Variants in CDK15 observed in about 807,000 individuals in gnomAD.
The protein encoded by CDK15 is cyclin-dependent kinase 15.
Under a neutral mutation model 60.3 loss-of-function variants are expected in CDK15, and 62 were observed. The ratio of observed to expected loss-of-function variants is 1.03; its 90% CI spans 0.84 to 1.27. The LOEUF (loss-of-function observed/expected upper bound fraction) is 1.27, where lower values mean the gene tolerates loss of function less well. CDK15 is among the 50% of genes most tolerant of loss of function. CDK15 has a pLI of 0.00. For missense variants in CDK15, 541 were observed against 527.8 expected, an observed-to-expected ratio of 1.03 and a Z score of -0.25; for synonymous variants, 194 against 195.7, an observed-to-expected ratio of 0.99 and a Z score of 0.07.
intron 8 of CDK15, among the ~76,000 whole-genome samples, chr2:201,844,793 T>TA (rs1269249729): frequency 1.3e-5 from 2 of 151,922 alleles, no homozygotes; most frequent in African/African-American, 2.4e-5. Flanking sequence ...CCATCTCTAT[T>TA]AAAAAAATTA....
chr2:201,844,923 C>A (rs1414383081), intron 8 of CDK15, among the ~76,000 whole-genome samples: 1 of 152,026 alleles, frequency 6.6e-6, no homozygotes, highest in African/African-American at 2.4e-5. Flanking sequence ...CTGAGGCAGG[C>A]GGATCAATTG....
At chr2:201,849,194 T>C (rs1697798281) in intron 9 of CDK15, among the ~76,000 whole-genome samples, 2 of 152,242 alleles carry the variant, frequency 1.3e-5, no homozygotes, top group African/African-American at 4.8e-5. Context: ...TAATTCTTTA[T>C]TGAGAATTCC....
At chr2:201,810,336 T>G (rs1338253526) in intron 3 of CDK15, among the ~76,000 whole-genome samples, 3 of 151,406 alleles carry the variant, frequency 2.0e-5, no homozygotes. Context: ...GAAATATAAA[T>G]TAAAATGCGA....
chr2:201,808,812 T>A (rs1010450081), intron 3 of CDK15: 1 of 152,100 alleles, frequency 6.6e-6, no homozygotes, highest in Non-Finnish European at 1.5e-5. Flanking sequence ...ATATAACTAC[T>A]ACAAGACTAA....
At chr2:201,883,922 A>T (rs1385318389) in intron 12 of CDK15, among the ~76,000 whole-genome samples, 2 of 152,208 alleles carry the variant, frequency 1.3e-5, no homozygotes, top group African/African-American at 4.8e-5. Flanking sequence ...GCTCTGGGAA[A>T]GGAACACTGT....
At position 201,879,931 on chromosome 2, in the gene CDK15, C is replaced by T. The variant is rs1294315253; in HGVS notation, c.1059-97C>T. 6.2e-6 allele frequency: 9 copies of T among 1,449,520 alleles called. No homozygotes were observed. The East Asian group carries it at 2.1e-4, about 35-fold the overall frequency. 89.8% of individuals were successfully genotyped at this position (1,449,520 alleles called of 1,614,324 possible). A position where few individuals can be genotyped will look rare whatever the true frequency, so the allele number is the denominator to read the frequency against. ...GGAAAATTCTACTTAAAATCTAAGT[C>T]TAGCCATCTCCTTTTCTTTACTTTT... On this transcript the variant is annotated intron_variant, in intron 11 of 13. Coordinates refer to ENST00000652192, the MANE Select transcript of CDK15 (RefSeq NM_001366386.2).
intron 6 of CDK15, among the ~76,000 whole-genome samples, chr2:201,824,120 A>AC (rs1325128516): frequency 7.2e-5 from 11 of 152,210 alleles, no homozygotes; most frequent in Non-Finnish European, 2.9e-5. Context: ...AGTCTGCAAT[A>AC]CTTGTACTAG....
intron 6 of CDK15, among the ~76,000 whole-genome samples, chr2:201,828,355 G>A (rs151209378): frequency 4.1e-4 from 62 of 152,120 alleles, no homozygotes; most frequent in African/African-American, 1.4e-3. Flanking sequence ...GAGGACTGAT[G>A]ATGAGACTTT....
intron 10 of CDK15, among the ~76,000 whole-genome samples, chr2:201,867,351 ATGG>A (rs1160963300): frequency 6.6e-6 from 1 of 152,126 alleles, no homozygotes; most frequent in Non-Finnish European, 1.5e-5. Flanking sequence ...CAGCCCAGGC[ATGG>A]TGGCTCATGC....
chr2:201,836,046 T>TATATATA (rs1292587389), intron 8 of CDK15, among the ~76,000 whole-genome samples: 2 of 86,872 alleles, frequency 2.3e-5, no homozygotes. Context: ...TTTATATATA[T>TATATATA]TTATATATAT....
At chr2:201,860,096 G>C (rs969227577) in intron 10 of CDK15, among the ~76,000 whole-genome samples, 21 of 152,192 alleles carry the variant, frequency 1.4e-4, no homozygotes, top group African/African-American at 4.6e-4. Context: ...TCCACTGAAA[G>C]GGTCTGTCAT....
chr2:201,812,384 T>C (rs1695814671), intron 3 of CDK15, 99 bp from the exon 4 acceptor site: 1 of 693,106 alleles, frequency 1.4e-6, no homozygotes, highest in African/African-American at 1.8e-5. Context: ...TGCTAGAATA[T>C]ATTTTGAAGT....
At chr2:201,865,892 C>CCAAAAAAAAA (rs753825925) in intron 10 of CDK15, among the ~76,000 whole-genome samples, 2 of 40,092 alleles carry the variant, frequency 5.0e-5, no homozygotes, top group African/African-American at 1.5e-4. Flanking sequence ...TCCATCTCAA[C>CCAAAAAAAAA]AAAAAAAAAA....
intron 11 of CDK15, among the ~76,000 whole-genome samples, chr2:201,876,003 G>T (rs923654155): frequency 6.6e-6 from 1 of 152,136 alleles, no homozygotes; most frequent in African/African-American, 2.4e-5. Flanking sequence ...TGGGCGGGGG[G>T]TTTTCCTACC....
At chr2:201,842,070 C>T (rs900520155) in intron 8 of CDK15, among the ~76,000 whole-genome samples, 1 of 152,100 alleles carries the variant, frequency 6.6e-6, no homozygotes, top group African/African-American at 2.4e-5. Flanking sequence ...GTTGTGTAAC[C>T]GTCACCACTG....
chr2:201,865,921 C>CAAAAAA (rs1698612579), intron 10 of CDK15, among the ~76,000 whole-genome samples: 1 of 81,142 alleles, frequency 1.2e-5, no homozygotes, highest in Admixed American at 1.1e-4. Context: ...AAAAAAAAAG[C>CAAAAAA]TTGGGAAGCC....
Position 201,836,361 on chromosome 2 carries a change from TAGA to T in CDK15, c.851+602_851+604del, listed in dbSNP as rs972191430. On this transcript the variant is annotated intron_variant, in intron 8 of 13. Coordinates refer to ENST00000652192, the MANE Select transcript of CDK15 (RefSeq NM_001366386.2). The stretch of plus-strand genomic sequence containing the variant: ...TCTACTAAAAAAATACTAATATTTG[TAGA>T]AGATTCTTGCAATTATTCTATAACC... Among the ~76,000 whole-genome samples, 85 of 151,276 alleles carry T rather than the reference TAGA, an allele frequency of 5.6e-4. 1 individual carries two copies. The highest frequency in any genetic ancestry group is 2.0e-3 in the African/African-American group (82 of 41,210).
chr2:201,852,507 G>A (rs1190107149), intron 9 of CDK15, among the ~76,000 whole-genome samples: 5 of 152,176 alleles, frequency 3.3e-5, no homozygotes, highest in African/African-American at 4.8e-5. Flanking sequence ...TTTTAAATAA[G>A]TGTTTTTCAT....
In CDK15 at chr2:201,873,065, G is replaced by A. The variant is rs563336185; in HGVS notation, c.1058+739G>A. 8.5e-5 allele frequency among the ~76,000 whole-genome samples: 13 copies of A among 152,254 alleles called. No homozygotes were observed. In the South Asian group the frequency reaches 2.7e-3, roughly 32 times the overall value. The stretch of plus-strand genomic sequence containing the variant: ...TGGGGAGAAGTGGAAGAGTTTCACT[G>A]GCCAAGATCCTGACTGAACACTCGA... On this transcript the variant is annotated intron_variant, in intron 11 of 13. Coordinates refer to ENST00000652192, the MANE Select transcript of CDK15 (RefSeq NM_001366386.2).
Sources: allele counts gnomAD v4.1 joint callset (sites outside exome capture counted in the v4.1 genomes callset), GRCh38; gene constraint gnomAD v4.1.1; transcripts MANE v1.5; gene names NCBI Gene and HGNC (gene_info 2026-07-23, HGNC 2026-07-21).